Variants in DOCK1 observed in about 807,000 individuals in gnomAD.
DOCK1 encodes dedicator of cytokinesis protein 1.
A neutral mutation model predicts 262.7 loss-of-function variants in DOCK1; 138 were observed. The ratio of observed to expected loss-of-function variants is 0.53; its 90% CI spans 0.46 to 0.61. The LOEUF (loss-of-function observed/expected upper bound fraction) is 0.61. Ranked by LOEUF, DOCK1 falls within the 20% of genes least tolerant of loss-of-function variation. The pLI, the probability that DOCK1 is intolerant of heterozygous loss-of-function variation, is 0.00. For missense variants in DOCK1, 1,908 were observed against 2,370.7 expected (o/e 0.80, Z 4.05); for synonymous variants, 866 against 867.4 (o/e 1.00, Z 0.03).
At chr10:127,397,702 ATGACCCGGGCAGCGACTCCTGTG>A (rs1565058968) in intron 38 of DOCK1, among the ~76,000 whole-genome samples, 2 of 150,734 alleles carry the variant, frequency 1.3e-5, no homozygotes, top group Admixed American at 1.3e-4. Flanking sequence ...TAGCTCCTCT[ATGACCCGGGCAGCGACTCCTGTG>A]TGACCCGGGC....
At chr10:127,298,250 C>T (rs545496285) in intron 29 of DOCK1, among the ~76,000 whole-genome samples, 3 of 152,270 alleles carry the variant, frequency 2.0e-5, no homozygotes, top group East Asian at 3.9e-4. Flanking sequence ...AATCACAGGT[C>T]AGCCAATCAG....
At chr10:127,015,694 T>C (rs1332789611) in intron 12 of DOCK1, among the ~76,000 whole-genome samples, 1 of 152,246 alleles carries the variant, frequency 6.6e-6, no homozygotes, top group East Asian at 1.9e-4. Flanking sequence ...CTGGTCCCTC[T>C]CCCACCCTCC....
intron 27 of DOCK1, among the ~76,000 whole-genome samples, chr10:127,142,249 G>A (rs1366051588): frequency 2.0e-5 from 3 of 152,152 alleles, no homozygotes; most frequent in African/African-American, 7.2e-5. Context: ...ACAGCCACAC[G>A]GGCACGTGGG....
intron 28 of DOCK1, among the ~76,000 whole-genome samples, chr10:127,253,183 G>T (rs886387502): frequency 6.6e-6 from 1 of 152,186 alleles, no homozygotes; most frequent in Non-Finnish European, 1.5e-5. Flanking sequence ...GCTGCCACGT[G>T]TCCACGTCTC....
chr10:127,262,084 G>A (rs1433731273), intron 29 of DOCK1, among the ~76,000 whole-genome samples: 5 of 148,762 alleles, frequency 3.4e-5, no homozygotes, highest in African/African-American at 1.2e-4. Flanking sequence ...GTGGGTGTGT[G>A]TGTGTACCCG....
intron 13 of DOCK1, chr10:127,019,097 C>G (rs569156851): frequency 2.3e-4 from 109 of 470,266 alleles, no homozygotes; most frequent in Non-Finnish European, 3.5e-4. Context: ...GGGCACCCAG[C>G]AAATGTCTGG....
intron 12 of DOCK1, among the ~76,000 whole-genome samples, chr10:127,017,159 AACACAC>A (rs141792612): frequency 7.6e-4 from 111 of 145,566 alleles, no homozygotes; most frequent in Non-Finnish European, 1.4e-3. Context: ...AGACACCACA[AACACAC>A]ACACACACAC....
At chr10:126,948,497 G>T (rs1043231312) in intron 1 of DOCK1, among the ~76,000 whole-genome samples, 4 of 151,878 alleles carry the variant, frequency 2.6e-5, no homozygotes, top group African/African-American at 9.7e-5. Context: ...GATGAAGGTG[G>T]TAATACTGTC....
chr10:126,977,760 T>C (rs755773736), intron 2 of DOCK1, among the ~76,000 whole-genome samples, 188 bp from the exon 3 acceptor site: 1 of 152,044 alleles, frequency 6.6e-6, no homozygotes, highest in South Asian at 2.1e-4. Context: ...GGGCTCCGGG[T>C]GCGCTGTTGA....
At chr10:127,152,037 A>G (rs1423967091) in intron 27 of DOCK1, among the ~76,000 whole-genome samples, 1 of 151,408 alleles carries the variant, frequency 6.6e-6, no homozygotes, top group Non-Finnish European at 1.5e-5. Flanking sequence ...TTTTTCGATC[A>G]CCCACAGAAT....
chr10:127,404,088 G>C (rs975782363), intron 39 of DOCK1, among the ~76,000 whole-genome samples: 1 of 152,106 alleles, frequency 6.6e-6, no homozygotes, highest in South Asian at 2.1e-4. Context: ...TGGGCTAGTT[G>C]GTTCAGATTC....
chr10:127,285,746 G>C, intron 29 of DOCK1, among the ~76,000 whole-genome samples: 1 of 152,238 alleles, frequency 6.6e-6, no homozygotes, highest in South Asian at 2.1e-4. Flanking sequence ...CCAGTGGGAA[G>C]ATTTGGAGGA....
intron 47 of DOCK1, among the ~76,000 whole-genome samples, chr10:127,430,931 G>A (rs1302294299): frequency 6.6e-6 from 1 of 152,210 alleles, no homozygotes; most frequent in Non-Finnish European, 1.5e-5. Flanking sequence ...CTCCTGGTCA[G>A]AAAACTGGAA....
chr10:127,122,660 G>A (rs2049677967), intron 25 of DOCK1, among the ~76,000 whole-genome samples: 1 of 151,612 alleles, frequency 6.6e-6, no homozygotes. Flanking sequence ...CTTCTTGGGG[G>A]CTTAGTGAAT....
intron 27 of DOCK1, 146 bp downstream of exon 27, chr10:127,127,910 A>C: frequency 1.7e-6 from 1 of 571,472 alleles, no homozygotes; most frequent in Non-Finnish European, 2.7e-6. Context: ...CATTTTCCAA[A>C]TGAATGTCAA....
chr10:127,366,300 C>T lies in DOCK1; in HGVS notation c.3432+4088C>T, dbSNP rs369756273. 5.9e-5 allele frequency among the ~76,000 whole-genome samples: 9 copies of T among 152,202 alleles called. No homozygotes were observed. The South Asian group carries it at 1.9e-3, about 32-fold the overall frequency. On this transcript the variant is annotated intron_variant, in intron 33 of 51. Transcript: ENST00000623213. ...TCTGCTTCTGTAATTGGGAAAAGAT[C>T]AGTTTTCTTCTGTTTGATGTGCCCA...
At chr10:127,315,183 T>C (rs2062222793) in intron 29 of DOCK1, among the ~76,000 whole-genome samples, 1 of 152,026 alleles carries the variant, frequency 6.6e-6, no homozygotes, top group Non-Finnish European at 1.5e-5. Context: ...GGTTAGAAGA[T>C]GGTGGTGGTG....
chr10:127,449,424 G>A (rs978458801), intron 51 of DOCK1, among the ~76,000 whole-genome samples: 1 of 152,096 alleles, frequency 6.6e-6, no homozygotes, highest in Non-Finnish European at 1.5e-5. Context: ...CAACTCCGGG[G>A]TAACATTTTA....
chr10:127,140,638 A>AAGTCTCTGGGTTGAGTTTGACACACTG (rs2051144822), intron 27 of DOCK1, among the ~76,000 whole-genome samples: 2 of 147,056 alleles, frequency 1.4e-5, no homozygotes, highest in East Asian at 2.0e-4. Context: ...TTGACACACC[A>AAGTCTCTGGGTTGAGTTTGACACACTG]AGTCTCTGGG....
Sources: gnomAD v4.1 joint callset for allele counts (sites outside exome capture counted in the v4.1 genomes callset) on GRCh38, gnomAD v4.1.1 for gene constraint, MANE v1.5 for transcripts, NCBI Gene and HGNC (gene_info 2026-07-23, HGNC 2026-07-21) for gene names.